Variants in STK39 observed in about 807,000 individuals in gnomAD.
The protein encoded by STK39 is STE20/SPS1-related proline-alanine-rich protein kinase.
Under a neutral mutation model 77.8 loss-of-function variants are expected in STK39, and 20 were observed. The ratio of observed to expected loss-of-function variants is 0.26; its 90% CI spans 0.18 to 0.37. The LOEUF is 0.37. Ranked by LOEUF, STK39 falls within the 10% of genes least tolerant of loss-of-function variation. The pLI, the probability that STK39 is intolerant of heterozygous loss-of-function variation, is 1.00. For missense variants in STK39, 479 were observed against 656.5 expected (o/e 0.73, Z 2.95); for synonymous variants, 246 against 234.1 (o/e 1.05, Z -0.47).
chr2:168,140,853 C>T (rs1019010946), intron 5 of STK39, 95 bp from the exon 6 acceptor site: 3 of 1,019,360 alleles, frequency 2.9e-6, no homozygotes, highest in Admixed American at 5.4e-5. Flanking sequence ...GTGAGCTTTA[C>T]AGTGGTGATG....
chr2:167,993,243 ACT>A (rs1683747940), intron 16 of STK39, among the ~76,000 whole-genome samples: 2 of 152,200 alleles, frequency 1.3e-5, no homozygotes, highest in African/African-American at 2.4e-5. Flanking sequence ...GCTCATGGAG[ACT>A]CAGCCTTCCA....
intron 10 of STK39, among the ~76,000 whole-genome samples, chr2:168,103,910 GTATTCACTCAGACAAAAAAC>G (rs1339613455): frequency 2.0e-5 from 3 of 152,160 alleles, no homozygotes; most frequent in Non-Finnish European, 4.4e-5. Flanking sequence ...GCCAAAAGTT[GTATTCACTCAGACAAAAAAC>G]TATAAACCAC....
chr2:168,050,899 A>G (rs1685379382), intron 14 of STK39, among the ~76,000 whole-genome samples: 1 of 152,254 alleles, frequency 6.6e-6, no homozygotes. Context: ...CAACTGTATG[A>G]ATTTTACCAA....
intron 14 of STK39, among the ~76,000 whole-genome samples, chr2:168,039,599 CAAAAAAAA>C (rs1173242043): frequency 1.3e-4 from 1 of 7,956 alleles, no homozygotes; most frequent in Admixed American, 1.5e-3. Flanking sequence ...ACTCCGTCTC[CAAAAAAAA>C]AAAAAAAAAA....
chr2:168,181,475 AC>A (rs543472661), intron 2 of STK39, among the ~76,000 whole-genome samples: 1 of 152,178 alleles, frequency 6.6e-6, no homozygotes, highest in Non-Finnish European at 1.5e-5. Context: ...GTTAAGAAAA[AC>A]AAACTCCTCT....
At chr2:168,000,677 T>TGAA (rs1370460782) in intron 16 of STK39, among the ~76,000 whole-genome samples, 1 of 152,226 alleles carries the variant, frequency 6.6e-6, no homozygotes, top group Non-Finnish European at 1.5e-5. Flanking sequence ...ATGTCCTTTC[T>TGAA]TGTCCTTCTG....
intron 14 of STK39, among the ~76,000 whole-genome samples, chr2:168,058,922 T>C (rs1269716806): frequency 6.6e-6 from 1 of 152,260 alleles, no homozygotes; most frequent in Non-Finnish European, 1.5e-5. Flanking sequence ...ACAGGCCTCC[T>C]GGTTTTCTGC....
At chr2:168,242,814 G>A (rs1452108825) in intron 1 of STK39, among the ~76,000 whole-genome samples, 2 of 150,246 alleles carry the variant, frequency 1.3e-5, no homozygotes, top group Admixed American at 1.3e-4. Context: ...GATCACTTGA[G>A]CCCAAGAGTT....
At chr2:167,967,942 C>A (rs1234158903) in intron 16 of STK39, among the ~76,000 whole-genome samples, 1 of 143,906 alleles carries the variant, frequency 6.9e-6, no homozygotes, top group East Asian at 2.2e-4. Context: ...ACCTTGCCCC[C>A]CTCTCTTCTT....
chr2:168,204,492 AG>A (rs1456902348), intron 1 of STK39, among the ~76,000 whole-genome samples: 1 of 152,222 alleles, frequency 6.6e-6, no homozygotes, highest in African/African-American at 2.4e-5. Context: ...ACCCCTGCCC[AG>A]GGAAGGCAAG....
intron 1 of STK39, among the ~76,000 whole-genome samples, chr2:168,232,978 T>A (rs10190697): frequency 0.41 from 62,474 of 151,648 alleles, 14,193 homozygotes; most frequent in Non-Finnish European, 0.53. Flanking sequence ...ATGAAGACAA[T>A]CACAAAAACG....
chr2:168,234,304 T>C (rs545984526), intron 1 of STK39, among the ~76,000 whole-genome samples: 5 of 152,326 alleles, frequency 3.3e-5, no homozygotes, highest in African/African-American at 9.6e-5. Context: ...CCACAGTTCA[T>C]TATTGAGCAC....
intron 1 of STK39, among the ~76,000 whole-genome samples, chr2:168,202,921 T>C (rs539395753): frequency 6.6e-6 from 1 of 152,328 alleles, no homozygotes; most frequent in Non-Finnish European, 1.5e-5. Flanking sequence ...AAGTCAGATA[T>C]ACTGATGAGT....
At chr2:168,241,778 T>C (rs893969115) in intron 1 of STK39, among the ~76,000 whole-genome samples, 2 of 152,266 alleles carry the variant, frequency 1.3e-5, no homozygotes, top group Non-Finnish European at 2.9e-5. Flanking sequence ...CTAAGACTAA[T>C]TGAAAGCATG....
intron 14 of STK39, among the ~76,000 whole-genome samples, chr2:168,057,641 C>A (rs921965832): frequency 1.3e-5 from 2 of 152,178 alleles, no homozygotes; most frequent in African/African-American, 2.4e-5. Flanking sequence ...GCCTGTTAAT[C>A]CTTCTGCATT....
At chr2:168,064,278 C>T (rs1000520698) in intron 13 of STK39, among the ~76,000 whole-genome samples, 1 of 152,160 alleles carries the variant, frequency 6.6e-6, no homozygotes, top group African/African-American at 2.4e-5. Context: ...ATCCTAATCC[C>T]TGTTCCCGTT....
chr2:168,036,009 T>G (rs1327789709), intron 14 of STK39, among the ~76,000 whole-genome samples: 1 of 152,096 alleles, frequency 6.6e-6, no homozygotes, highest in Non-Finnish European at 1.5e-5. Context: ...GGTAAATAAA[T>G]GTATAACACA....
intron 1 of STK39, among the ~76,000 whole-genome samples, chr2:168,230,883 T>C (rs1252226291): frequency 6.6e-6 from 1 of 152,182 alleles, no homozygotes; most frequent in Non-Finnish European, 1.5e-5. Flanking sequence ...CCTGCTCAGG[T>C]TTGAGGTCTC....
intron 1 of STK39, among the ~76,000 whole-genome samples, chr2:168,233,166 AAC>A (rs1280058957): frequency 6.6e-6 from 1 of 152,140 alleles, no homozygotes; most frequent in Non-Finnish European, 1.5e-5. Flanking sequence ...ACTACACAGA[AAC>A]ACTTTTCCCT....
Sources: gnomAD v4.1 joint callset for allele counts (sites outside exome capture counted in the v4.1 genomes callset) on GRCh38, gnomAD v4.1.1 for gene constraint, MANE v1.5 for transcripts, NCBI Gene and HGNC (gene_info 2026-07-23, HGNC 2026-07-21) for gene names.